Variants in ZFYVE9 observed in about 807,000 individuals in gnomAD.
The protein encoded by ZFYVE9 is zinc finger FYVE domain-containing protein 9.
ZFYVE9 carries 43 observed loss-of-function variants against 126.7 expected under a neutral mutation model. That is an observed-to-expected ratio of 0.34 (90% CI 0.27 to 0.44). The LOEUF is 0.44. Among genes scored for constraint, ZFYVE9 ranks in the 20% least tolerant of loss-of-function variants. ZFYVE9 has a pLI of 1.00. For missense variants in ZFYVE9, 1,476 were observed against 1,697.0 expected (o/e 0.87, Z 2.29); for synonymous variants, 521 against 597.4 (o/e 0.87, Z 1.87).
intron 1 of ZFYVE9, among the ~76,000 whole-genome samples, chr1:52,191,887 C>G (rs1285900427): frequency 6.6e-6 from 1 of 152,162 alleles, no homozygotes; most frequent in Non-Finnish European, 1.5e-5. Flanking sequence ...GACCCAAAAG[C>G]TGTGTCTAGT....
chr1:52,259,137 G>A (rs1324715120), intron 4 of ZFYVE9, among the ~76,000 whole-genome samples: 1 of 152,118 alleles, frequency 6.6e-6, no homozygotes, highest in Non-Finnish European at 1.5e-5. Context: ...TCTCTTCCAT[G>A]TCTCTCTCCT....
intron 13 of ZFYVE9, among the ~76,000 whole-genome samples, chr1:52,315,007 A>G (rs1646170639): frequency 6.6e-6 from 1 of 152,200 alleles, no homozygotes; most frequent in African/African-American, 2.4e-5. Flanking sequence ...TCCACAAGAA[A>G]TGTAAAGTCC....
intron 1 of ZFYVE9, among the ~76,000 whole-genome samples, chr1:52,173,555 T>C (rs1005672441): frequency 9.9e-5 from 15 of 152,218 alleles, no homozygotes; most frequent in Admixed American, 7.2e-4. Flanking sequence ...TTCTGTTGAT[T>C]GGAATAGTTT....
intron 2 of ZFYVE9, among the ~76,000 whole-genome samples, chr1:52,218,816 G>A (rs996107747): frequency 3.3e-5 from 5 of 152,162 alleles, no homozygotes; most frequent in African/African-American, 1.2e-4. Context: ...GGGTAATGGG[G>A]GGAGATGGAG....
Position 52,160,443 on chromosome 1 carries a change from T to C in ZFYVE9, c.-143+18040T>C, listed in dbSNP as rs954891597. On this transcript the variant is annotated intron_variant, in intron 1 of 18. Transcript: ENST00000287727. ...TTCCATCCTCCAAAGGCAGTGCCTT[T>C]CTATGTGTGACCTGTTACCAGCTGG... is the stretch of plus-strand genomic sequence containing the variant. The C allele has an allele frequency of 1.2e-4, 109 of 894,008 alleles. 1 individual carries two copies. The highest frequency in any genetic ancestry group is 1.8e-4 in the Non-Finnish European group (93 of 521,806). The allele number at this position is 894,008 out of a possible 1,614,324, so 55.4% of individuals were successfully genotyped here.
At chr1:52,245,636 A>G (rs1240276891) in intron 4 of ZFYVE9, among the ~76,000 whole-genome samples, 1 of 152,206 alleles carries the variant, frequency 6.6e-6, no homozygotes, top group Non-Finnish European at 1.5e-5. Flanking sequence ...AAACTCAGGG[A>G]CTTTGACTTC....
chr1:52,265,888 C>T (rs1645628674), intron 5 of ZFYVE9, among the ~76,000 whole-genome samples: 1 of 151,926 alleles, frequency 6.6e-6, no homozygotes, highest in African/African-American at 2.4e-5. Context: ...TATTTTAGCC[C>T]CTGATTTTGC....
Position 52,346,440 on chromosome 1 carries a change from A to T in ZFYVE9, c.*219A>T, listed in dbSNP as rs1034751763. ...CTTCTATGCATTGTCCACCAAGAAGATCTGGGCAGCTTCTGTTCCTGCACA... is the reference window on the plus strand; with the variant it reads ...CTTCTATGCATTGTCCACCAAGAAGTTCTGGGCAGCTTCTGTTCCTGCACA... On this transcript the variant is annotated 3_prime_UTR_variant, in exon 19 of 19. Coordinates refer to ENST00000287727, the MANE Select transcript of ZFYVE9 (RefSeq NM_004799.4). 5 of 478,372 alleles carry T rather than the reference A, an allele frequency of 1.0e-5. No homozygotes were observed. Among genetic ancestry groups the T allele is most frequent in the Non-Finnish European group, 1.8e-5 (5 of 276,202 alleles). 29.6% of individuals were successfully genotyped at this position (478,372 alleles called of 1,614,324 possible). A position where few individuals can be genotyped will look rare whatever the true frequency, so the allele number is the denominator to read the frequency against.
chr1:52,178,310 C>T (rs1399717078), intron 1 of ZFYVE9, among the ~76,000 whole-genome samples: 4 of 138,266 alleles, frequency 2.9e-5, no homozygotes, highest in Admixed American at 2.9e-4. Context: ...AAAAGGTAGG[C>T]TACTTGGGCA....
In ZFYVE9 at chr1:52,239,167, CCTT is replaced by C; in HGVS notation, c.1753_1755del (p.Ser585del). 1 of 1,614,092 alleles carries C rather than the reference CCTT, an allele frequency of 6.2e-7. No homozygotes were observed. The highest frequency in any genetic ancestry group is 8.5e-7 in the Non-Finnish European group (1 of 1,179,998). ...TTTTGGTGGTGCAAGACCCAAGCAA[CCTT>C]CTAATCTTAAACTTCAAATTCCAAA... On this transcript the variant is annotated inframe_deletion, in exon 4 of 19. Transcript: ENST00000287727.
intron 7 of ZFYVE9, among the ~76,000 whole-genome samples, chr1:52,272,673 C>CTTTTTTTTTTTTTTTTTTTTTT (rs58857376): frequency 4.1e-5 from 5 of 121,258 alleles, no homozygotes; most frequent in East Asian, 4.8e-4. Context: ...TAGAAATAAT[C>CTTTTTTTTTTTTTTTTTTTTTT]TTTTTTTTTT....
chr1:52,282,382 G>A (rs1645813696), intron 10 of ZFYVE9, among the ~76,000 whole-genome samples: 1 of 152,116 alleles, frequency 6.6e-6, no homozygotes, highest in Admixed American at 6.6e-5. Context: ...ATGACATTGT[G>A]TTATTTGACA....
chr1:52,214,668 G>A (rs1645056413), intron 1 of ZFYVE9, among the ~76,000 whole-genome samples: 1 of 151,896 alleles, frequency 6.6e-6, no homozygotes, highest in African/African-American at 2.4e-5. Context: ...GTATATGGAG[G>A]GGTGTGTGTG....
At chr1:52,162,720 A>G (rs1468104016) in intron 1 of ZFYVE9, 2 of 304,724 alleles carry the variant, frequency 6.6e-6, no homozygotes, top group Non-Finnish European at 1.3e-5. Context: ...CTGGTTAGAC[A>G]TTGGAGAATG....
chr1:52,273,781 T>C (rs1341058611), intron 7 of ZFYVE9, among the ~76,000 whole-genome samples: 1 of 144,880 alleles, frequency 6.9e-6, no homozygotes, highest in Non-Finnish European at 1.5e-5. Context: ...ATGATGCCAT[T>C]GCACTCCAGC....
chr1:52,194,414 A>G (rs1644842755), intron 1 of ZFYVE9, among the ~76,000 whole-genome samples: 1 of 152,210 alleles, frequency 6.6e-6, no homozygotes, highest in African/African-American at 2.4e-5. Flanking sequence ...ACTGAGACTA[A>G]GATTCTAAAC....
chr1:52,223,301 C>CCTGT (rs1645141422), intron 2 of ZFYVE9, among the ~76,000 whole-genome samples: 1 of 152,180 alleles, frequency 6.6e-6, no homozygotes, highest in Admixed American at 6.5e-5. Context: ...CCCTGACTCT[C>CCTGT]AGGTTTCATC....
At chr1:52,181,633 G>C (rs1644704913) in intron 1 of ZFYVE9, among the ~76,000 whole-genome samples, 1 of 151,804 alleles carries the variant, frequency 6.6e-6, no homozygotes, top group Admixed American at 6.6e-5. Context: ...CATCTAGGAA[G>C]TGAGGAGCGC....
chr1:52,267,679 A>C (rs1163444550), intron 6 of ZFYVE9, among the ~76,000 whole-genome samples: 2 of 151,070 alleles, frequency 1.3e-5, no homozygotes, highest in African/African-American at 4.9e-5. Flanking sequence ...CCTTAGTCAT[A>C]CTCCTTGTAT....
Sources: allele counts gnomAD v4.1 joint callset (sites outside exome capture counted in the v4.1 genomes callset), GRCh38; gene constraint gnomAD v4.1.1; transcripts MANE v1.5; gene names NCBI Gene and HGNC (gene_info 2026-07-23, HGNC 2026-07-21).